ADGRB3: variants seen among roughly 807,000 people sequenced by gnomAD.
ADGRB3 encodes the protein brain-specific angiogenesis inhibitor 3.
Under a neutral mutation model 193.4 loss-of-function variants are expected in ADGRB3, and 37 were observed. That is an observed-to-expected ratio of 0.19 (90% CI 0.15 to 0.25). The LOEUF (loss-of-function observed/expected upper bound fraction) is 0.25, where lower values mean the gene tolerates loss of function less well. Among genes scored for constraint, ADGRB3 ranks in the 10% least tolerant of loss-of-function variants. ADGRB3 has a pLI of 1.00. For synonymous variants in ADGRB3, 690 were observed against 644.2 expected (o/e 1.07, Z -1.08); for missense variants, 1,637 against 1,852.9 (o/e 0.88, Z 2.14).
chr6:69,047,211 A>G (rs1329903128), intron 13 of ADGRB3, among the ~76,000 whole-genome samples: 1 of 152,180 alleles, frequency 6.6e-6, no homozygotes, highest in Non-Finnish European at 1.5e-5. Flanking sequence ...AATTGTCTGC[A>G]TCATGTTTCC....
At chr6:68,838,248 A>G (rs1439036755) in intron 3 of ADGRB3, among the ~76,000 whole-genome samples, 1 of 152,158 alleles carries the variant, frequency 6.6e-6, no homozygotes, top group African/African-American at 2.4e-5. Context: ...ATGAGGAATT[A>G]ATGTTAACAG....
chr6:68,648,463 AGTTTTTTT>A (rs1451648850), intron 3 of ADGRB3, among the ~76,000 whole-genome samples: 2 of 144,184 alleles, frequency 1.4e-5, no homozygotes, highest in Non-Finnish European at 3.0e-5. Flanking sequence ...GGGGAGTGTG[AGTTTTTTT>A]GTTTTTTTTT....
intron 17 of ADGRB3, among the ~76,000 whole-genome samples, chr6:69,108,862 A>C (rs1773290878): frequency 6.6e-6 from 1 of 152,202 alleles, no homozygotes; most frequent in Admixed American, 6.5e-5. Flanking sequence ...GCCTCATTTA[A>C]AGAGTGATTA....
chr6:69,347,927 G>C (rs984840727), intron 26 of ADGRB3, among the ~76,000 whole-genome samples: 1 of 152,148 alleles, frequency 6.6e-6, no homozygotes, highest in Non-Finnish European at 1.5e-5. Flanking sequence ...ACACAGGCAA[G>C]GACAATATGC....
chr6:69,010,288 A>T (rs148295659), intron 11 of ADGRB3, among the ~76,000 whole-genome samples: 5 of 152,078 alleles, frequency 3.3e-5, no homozygotes, highest in Non-Finnish European at 5.9e-5. Context: ...TGAACAAATT[A>T]TGTTCCCCAG....
intron 3 of ADGRB3, among the ~76,000 whole-genome samples, chr6:68,853,624 G>T (rs1458877439): frequency 6.6e-6 from 1 of 151,946 alleles, no homozygotes; most frequent in Non-Finnish European, 1.5e-5. Flanking sequence ...TCTCTAAGGG[G>T]TGCAACATTA....
intron 20 of ADGRB3, among the ~76,000 whole-genome samples, chr6:69,308,828 A>G (rs1768119694): frequency 6.6e-6 from 1 of 151,682 alleles, no homozygotes. Context: ...TAAACATTCC[A>G]GCTGACAACA....
chr6:68,968,376 C>T (rs114695973), intron 8 of ADGRB3, among the ~76,000 whole-genome samples: 257 of 152,246 alleles, frequency 1.7e-3, no homozygotes, highest in African/African-American at 5.2e-3. Context: ...GATACCCCGA[C>T]AGGGAAATGA....
chr6:69,000,777 C>T (rs1165208643), intron 11 of ADGRB3, among the ~76,000 whole-genome samples: 4 of 152,152 alleles, frequency 2.6e-5, no homozygotes, highest in Non-Finnish European at 2.9e-5. Context: ...TATGATGGTG[C>T]TGTGCATTTT....
At chr6:68,801,737 T>C (rs1357229703) in intron 3 of ADGRB3, among the ~76,000 whole-genome samples, 1 of 151,986 alleles carries the variant, frequency 6.6e-6, no homozygotes. Flanking sequence ...AAATCCTATA[T>C]CCAGATACCA....
intron 17 of ADGRB3, among the ~76,000 whole-genome samples, chr6:69,205,020 G>A (rs1014335643): frequency 1.3e-5 from 2 of 152,104 alleles, no homozygotes; most frequent in African/African-American, 4.8e-5. Flanking sequence ...AATTTTTCCT[G>A]TAATATGCTC....
chr6:68,648,482 T>C (rs114336908), intron 3 of ADGRB3, among the ~76,000 whole-genome samples: 1,923 of 149,902 alleles, frequency 0.013, 49 homozygotes, highest in African/African-American at 0.043. Context: ...GTTTTTTTTT[T>C]CGAAAGAGAG....
chr6:69,253,271 G>C (rs1319812868), intron 20 of ADGRB3, among the ~76,000 whole-genome samples: 1 of 151,858 alleles, frequency 6.6e-6, no homozygotes. Context: ...TAGGTATTTT[G>C]TCTACATTTG....
chr6:68,859,105 T>C (rs752988821), intron 3 of ADGRB3, among the ~76,000 whole-genome samples: 1 of 152,208 alleles, frequency 6.6e-6, no homozygotes, highest in Non-Finnish European at 1.5e-5. Flanking sequence ...CCAGATATAC[T>C]AAATTATCTT....
chr6:69,358,216 C>T (rs879611992), intron 28 of ADGRB3, among the ~76,000 whole-genome samples: 4 of 151,884 alleles, frequency 2.6e-5, no homozygotes, highest in Admixed American at 2.6e-4. Context: ...GTTATCATCA[C>T]CTGAGAACTT....
At chr6:68,684,491 A>G (rs1244377101) in intron 3 of ADGRB3, among the ~76,000 whole-genome samples, 1 of 152,180 alleles carries the variant, frequency 6.6e-6, no homozygotes, top group Non-Finnish European at 1.5e-5. Flanking sequence ...ACAGAATTTG[A>G]CCATTTCTTG....
At chr6:69,024,720 G>A (rs576843128) in intron 13 of ADGRB3, among the ~76,000 whole-genome samples, 6 of 152,332 alleles carry the variant, frequency 3.9e-5, no homozygotes, top group African/African-American at 1.4e-4. Flanking sequence ...AATAAGGCTA[G>A]TGCCTTGAAA....
intron 17 of ADGRB3, among the ~76,000 whole-genome samples, chr6:69,160,614 C>G (rs1774957976): frequency 6.6e-6 from 1 of 151,974 alleles, no homozygotes; most frequent in Non-Finnish European, 1.5e-5. Flanking sequence ...TCGTATTTTT[C>G]AATTATTTCT....
chr6:69,366,498 T>C (rs956165709), intron 29 of ADGRB3, among the ~76,000 whole-genome samples: 1 of 152,174 alleles, frequency 6.6e-6, no homozygotes, highest in Non-Finnish European at 1.5e-5. Flanking sequence ...GAGAAATTAT[T>C]CATCATTCTA....
Sources: allele counts gnomAD v4.1 joint callset (sites outside exome capture counted in the v4.1 genomes callset), GRCh38; gene constraint gnomAD v4.1.1; transcripts MANE v1.5; gene names NCBI Gene and HGNC (gene_info 2026-07-23, HGNC 2026-07-21).